The following SLC30A5 variants were observed in gnomAD, a reference collection of about 807,000 sequenced individuals.
SLC30A5 encodes the protein proton-coupled zinc antiporter SLC30A5.
A neutral mutation model predicts 79.6 loss-of-function variants in SLC30A5; 33 were observed. The observed-to-expected ratio is 0.41, with a 90% CI of 0.31 to 0.55. The LOEUF is 0.55. SLC30A5 is among the 20% of genes least tolerant of loss of function. The probability of loss-of-function intolerance (pLI) is 0.20; values close to 1 mark genes in which losing one functional copy is unlikely to be tolerated. For synonymous variants in SLC30A5, 299 were observed against 319.7 expected, an observed-to-expected ratio of 0.94 and a Z score of 0.69; for missense variants, 788 against 928.1, an observed-to-expected ratio of 0.85 and a Z score of 1.96.
chr5:69,108,221 C>T, intron 4 of SLC30A5, 128 bp from the exon 5 acceptor site: 2 of 694,542 alleles, frequency 2.9e-6, no homozygotes, highest in African/African-American at 1.8e-5. Context: ...AGCAGTTGTA[C>T]CTATTTATTT....
intron 13 of SLC30A5, 66 bp downstream of exon 13, chr5:69,121,961 T>C: frequency 7.4e-7 from 1 of 1,352,836 alleles, no homozygotes; most frequent in Admixed American, 2.3e-5. Context: ...TGTGTTTATT[T>C]GTATTAAGTT....
At chr5:69,120,252 C>T (rs1042742841) in intron 12 of SLC30A5, among the ~76,000 whole-genome samples, 6 of 151,758 alleles carry the variant, frequency 4.0e-5, no homozygotes, top group Admixed American at 1.3e-4. Context: ...TGCATGGTGG[C>T]GGGCGCCTGT....
intron 1 of SLC30A5, among the ~76,000 whole-genome samples, chr5:69,098,274 CTTTG>C (rs1472281170): frequency 6.6e-6 from 1 of 152,046 alleles, no homozygotes; most frequent in African/African-American, 2.4e-5. Flanking sequence ...AATCCTAGCA[CTTTG>C]TTTGGGAGGC....
intron 8 of SLC30A5, 137 bp from the exon 9 acceptor site, chr5:69,115,789 A>G (rs1014694598): frequency 1.3e-6 from 1 of 764,008 alleles, no homozygotes; most frequent in Admixed American, 3.0e-5. Context: ...AATATCTTAT[A>G]GCTTTTATAT....
intron 14 of SLC30A5, among the ~76,000 whole-genome samples, chr5:69,126,360 C>G (rs981736085): frequency 1.3e-5 from 2 of 152,028 alleles, no homozygotes; most frequent in Admixed American, 1.3e-4. Context: ...CAATGTTGCC[C>G]GGGCTGGTCT....
rs760493605 is a variant in SLC30A5 at position 69,100,949 on chromosome 5, T to G, written c.206+20T>G. 6 of 1,492,042 alleles carry G rather than the reference T, an allele frequency of 4.0e-6. No homozygotes were observed. In the South Asian group the frequency reaches 7.6e-5, roughly 19 times the overall value. The allele number at this position is 1,492,042 out of a possible 1,614,324, so 92.4% of individuals were successfully genotyped here. ...ACTTGGGTGAGTGTGGGGGGGGGTT[T>G]TTTCTTGATATTTTTTATTTCTTTG... On this transcript the variant is annotated intron_variant, in intron 2 of 15. Transcript: ENST00000396591.
chr5:69,120,278 G>C (rs939555650), intron 12 of SLC30A5, among the ~76,000 whole-genome samples: 1 of 151,906 alleles, frequency 6.6e-6, no homozygotes, highest in Non-Finnish European at 1.5e-5. Flanking sequence ...CAGCTGCTTG[G>C]GTGGCTGAGG....
chr5:69,121,746 G>T lies in SLC30A5; in HGVS notation c.1622G>T (p.Ser541Ile). ...IVNLIGICAF[S>I]HAHSHAHGAS... ...AACCTTATTGGTATCTGTGCCTTTAGCCATGCCCATAGCCATGCCCATGGA... is the reference window on the plus strand; with the variant it reads ...AACCTTATTGGTATCTGTGCCTTTATCCATGCCCATAGCCATGCCCATGGA... Residue 541 changes from serine (S) to isoleucine (I), a missense_variant, in exon 13 of 16, where the codon AGC (serine) becomes ATC (isoleucine). Transcript: ENST00000396591. 1 of 1,612,852 alleles carries T rather than the reference G, an allele frequency of 6.2e-7. No individual in the cohort carries two copies. The highest frequency in any genetic ancestry group is 8.5e-7 in the Non-Finnish European group (1 of 1,179,398).
At chr5:69,125,543 A>C (rs1218665379) in intron 14 of SLC30A5, among the ~76,000 whole-genome samples, 3 of 146,000 alleles carry the variant, frequency 2.1e-5, no homozygotes, top group South Asian at 2.2e-4. Flanking sequence ...CACACACAAA[A>C]AAAAAAATTA....
At chr5:69,117,666 C>T (rs35222703) in intron 11 of SLC30A5, among the ~76,000 whole-genome samples, 35,213 of 150,266 alleles carry the variant, frequency 0.23, 4,558 homozygotes, top group East Asian at 0.34. Flanking sequence ...CACCTGAGGT[C>T]AGGAGTTCGA....
At position 69,129,495 on chromosome 5, in the gene SLC30A5, G is replaced by A; in HGVS notation, c.2176G>A (p.Val726Met). 6.2e-7 allele frequency: 1 copy of A among 1,613,448 alleles called. No homozygotes were observed. The highest frequency in any genetic ancestry group is 8.5e-7 in the Non-Finnish European group (1 of 1,179,810). The part of the protein sequence containing the change: ...DAGVNNLTIQ[V>M]EKEAYFQHMS... Reference sequence around the variant, plus strand: ...TGGAGTAAACAATTTAACAATTCAAGTGGAAAAGGAGGCATACTTTCAACA... The same window carrying A: ...TGGAGTAAACAATTTAACAATTCAAATGGAAAAGGAGGCATACTTTCAACA... The change falls in exon 16 of 16, where the codon GTG (valine) becomes ATG (methionine). Residue 726 changes from valine (V) to methionine (M), a missense_variant. This residue lies in a region of SLC30A5 where 158 missense variants were observed against 156.2 expected (regional missense o/e 1.01). Coordinates refer to ENST00000396591, the MANE Select transcript of SLC30A5 (RefSeq NM_022902.5).
At chr5:69,095,814 C>T (rs1745710725) in intron 1 of SLC30A5, among the ~76,000 whole-genome samples, 1 of 151,852 alleles carries the variant, frequency 6.6e-6, no homozygotes, top group Admixed American at 6.6e-5. Flanking sequence ...AATCCCAACA[C>T]TTTGGGAGGC....
chr5:69,122,251 G>A (rs1746556467), intron 13 of SLC30A5, among the ~76,000 whole-genome samples: 2 of 152,230 alleles, frequency 1.3e-5, no homozygotes, highest in South Asian at 4.1e-4. Context: ...ACAAAAATTA[G>A]CCGGACATGG....
chr5:69,109,804 T>C (rs1746183274), intron 5 of SLC30A5, among the ~76,000 whole-genome samples: 1 of 152,160 alleles, frequency 6.6e-6, no homozygotes, highest in Non-Finnish European at 1.5e-5. Flanking sequence ...AACACTTCCT[T>C]GCTGGGTCCT....
At chr5:69,125,899 A>G (rs1746673718) in intron 14 of SLC30A5, among the ~76,000 whole-genome samples, 1 of 141,508 alleles carries the variant, frequency 7.1e-6, no homozygotes. Context: ...AAAAAAAATT[A>G]GCTGGGTGTA....
chr5:69,096,375 G>A (rs1745731246), intron 1 of SLC30A5, among the ~76,000 whole-genome samples: 1 of 152,194 alleles, frequency 6.6e-6, no homozygotes, highest in Non-Finnish European at 1.5e-5. Flanking sequence ...GTTTATTCAA[G>A]AGTGTAAAGA....
chr5:69,098,392 G>C (rs1210917146), intron 1 of SLC30A5, among the ~76,000 whole-genome samples: 1 of 152,064 alleles, frequency 6.6e-6, no homozygotes, highest in Non-Finnish European at 1.5e-5. Flanking sequence ...CTGACATGGT[G>C]GCAGGCACCT....
chr5:69,111,295 T>TTTTTTC (rs1305669651), intron 5 of SLC30A5, among the ~76,000 whole-genome samples: 2 of 149,486 alleles, frequency 1.3e-5, no homozygotes, highest in African/African-American at 2.5e-5. Context: ...CCCGGACTTT[T>TTTTTTC]TTTTTCTTTT....
chr5:69,111,962 A>G (rs1746244157), intron 5 of SLC30A5, among the ~76,000 whole-genome samples: 1 of 152,236 alleles, frequency 6.6e-6, no homozygotes, highest in Non-Finnish European at 1.5e-5. Flanking sequence ...TATGTATCAT[A>G]CAAGACATGT....
Sources: allele counts gnomAD v4.1 joint callset (sites outside exome capture counted in the v4.1 genomes callset), GRCh38; gene constraint gnomAD v4.1.1; regional missense constraint gnomAD v4.1.1; transcripts MANE v1.5; gene names NCBI Gene and HGNC (gene_info 2026-07-23, HGNC 2026-07-21).